Variants in FRAS1 observed in about 807,000 individuals in gnomAD.
The protein encoded by FRAS1 is extracellular matrix organizing protein FRAS1.
FRAS1 carries 290 observed loss-of-function variants against 435.2 expected under a neutral mutation model. That is an observed-to-expected ratio of 0.67 (90% CI 0.61 to 0.73). The LOEUF is 0.73. Among genes scored for constraint, FRAS1 ranks in the 30% least tolerant of loss-of-function variants. The pLI is 0.00. For synonymous variants in FRAS1, 1,800 were observed against 1,851.0 expected (o/e 0.97, Z 0.71); for missense variants, 4,860 against 5,001.5 (o/e 0.97, Z 0.85).
intron 2 of FRAS1, among the ~76,000 whole-genome samples, chr4:78,093,828 A>G (rs1041086940): frequency 1.4e-4 from 21 of 152,220 alleles, no homozygotes; most frequent in African/African-American, 4.1e-4. Flanking sequence ...TTCTGTTTGC[A>G]AAGCATATAT....
intron 20 of FRAS1, among the ~76,000 whole-genome samples, chr4:78,342,416 G>A (rs1048596901): frequency 6.6e-6 from 1 of 152,196 alleles, no homozygotes; most frequent in African/African-American, 2.4e-5. Flanking sequence ...TATAAAGTAT[G>A]TGAGATTTAG....
intron 20 of FRAS1, among the ~76,000 whole-genome samples, chr4:78,340,580 A>G (rs1039670649): frequency 6.6e-6 from 1 of 152,224 alleles, no homozygotes; most frequent in Admixed American, 6.5e-5. Flanking sequence ...CAAATCAAAT[A>G]TGGAGCTTGC....
At chr4:78,123,114 T>C (rs780932629) in intron 2 of FRAS1, among the ~76,000 whole-genome samples, 4 of 152,210 alleles carry the variant, frequency 2.6e-5, no homozygotes, top group Non-Finnish European at 5.9e-5. Flanking sequence ...TCCTAGGTCT[T>C]ACGTTTAAGT....
intron 47 of FRAS1, among the ~76,000 whole-genome samples, chr4:78,461,388 A>G (rs924155178): frequency 2.6e-5 from 4 of 152,314 alleles, no homozygotes; most frequent in South Asian, 2.1e-4. Context: ...TCGGGTTTCA[A>G]TTTCATCACT....
At chr4:78,062,285 T>C (rs1203992385) in intron 1 of FRAS1, among the ~76,000 whole-genome samples, 1 of 152,228 alleles carries the variant, frequency 6.6e-6, no homozygotes, top group East Asian at 1.9e-4. Flanking sequence ...AACTACTCTA[T>C]TAATTGATCT....
intron 18 of FRAS1, among the ~76,000 whole-genome samples, chr4:78,332,427 G>A (rs1408390411): frequency 6.6e-6 from 1 of 152,182 alleles, no homozygotes; most frequent in Non-Finnish European, 1.5e-5. Flanking sequence ...ATGAAAGCTA[G>A]CAGAGATGTT....
intron 56 of FRAS1, among the ~76,000 whole-genome samples, chr4:78,480,303 TGCTAA>T (rs1719972848): frequency 6.6e-6 from 1 of 152,166 alleles, no homozygotes; most frequent in African/African-American, 2.4e-5. Flanking sequence ...GAGGTCCTTA[TGCTAA>T]GTGAAATAAG....
intron 2 of FRAS1, among the ~76,000 whole-genome samples, chr4:78,224,204 G>T (rs944655220): frequency 2.0e-5 from 3 of 152,180 alleles, no homozygotes; most frequent in Non-Finnish European, 4.4e-5. Context: ...CTCAAAACTG[G>T]TGAAAGCTGT....
chr4:78,436,071 C>T (rs1287823783), intron 38 of FRAS1, among the ~76,000 whole-genome samples: 1 of 151,970 alleles, frequency 6.6e-6, no homozygotes, highest in Non-Finnish European at 1.5e-5. Context: ...CAAAACACAC[C>T]ACAAAGCAGC....
intron 54 of FRAS1, among the ~76,000 whole-genome samples, chr4:78,476,325 T>C (rs1222381795): frequency 1.3e-5 from 2 of 152,070 alleles, no homozygotes; most frequent in African/African-American, 4.8e-5. Context: ...ATACCAGTGG[T>C]AATTAAAGGT....
intron 64 of FRAS1, among the ~76,000 whole-genome samples, chr4:78,512,490 A>C (rs953754816): frequency 2.0e-5 from 3 of 147,614 alleles, no homozygotes; most frequent in Non-Finnish European, 4.5e-5. Flanking sequence ...TTCAGTAAAC[A>C]CGCTCAAAGT....
chr4:78,318,664 C>T (rs1729372667), intron 17 of FRAS1, 146 bp from the exon 18 acceptor site: 2 of 739,926 alleles, frequency 2.7e-6, no homozygotes, highest in African/African-American at 1.8e-5. Flanking sequence ...ATTATTATCA[C>T]TCTGTGCTTT....
At chr4:78,500,011 A>C in intron 61 of FRAS1, 90 bp downstream of exon 61, 1 of 1,103,178 alleles carries the variant, frequency 9.1e-7, no homozygotes. Flanking sequence ...AGATAAATGA[A>C]AAAGGAAAAC....
At chr4:78,304,501 CT>C (rs1445962228) in intron 14 of FRAS1, among the ~76,000 whole-genome samples, 1 of 152,108 alleles carries the variant, frequency 6.6e-6, no homozygotes, top group African/African-American at 2.4e-5. Context: ...GTTCTGGACT[CT>C]TTTTGTTTGG....
At chr4:78,397,263 GT>G (rs1732708408) in intron 29 of FRAS1, among the ~76,000 whole-genome samples, 2 of 152,320 alleles carry the variant, frequency 1.3e-5, no homozygotes, top group South Asian at 4.1e-4. Context: ...GTATGTGCCT[GT>G]TTCACTCCTC....
At chr4:78,390,572 G>A (rs1324283164) in intron 29 of FRAS1, among the ~76,000 whole-genome samples, 1 of 152,090 alleles carries the variant, frequency 6.6e-6, no homozygotes, top group African/African-American at 2.4e-5. Context: ...CAGTAATTTA[G>A]TCATTTTCTC....
rs192060300 is a variant in FRAS1, at chr4:78,092,529, C to T, written c.108+26513C>T. 2.4e-4 allele frequency among the ~76,000 whole-genome samples: 36 copies of T among 152,290 alleles called. No homozygotes were observed. The East Asian group carries it at 6.0e-3, about 25-fold the overall frequency. Reference sequence around the variant, plus strand: ...CATGAGACCCAGTCACTATCACAGACGCGAACAGCATGGGAAAGACCCACC... The same window carrying T: ...CATGAGACCCAGTCACTATCACAGATGCGAACAGCATGGGAAAGACCCACC... On this transcript the variant is annotated intron_variant, in intron 2 of 73. Coordinates refer to ENST00000512123, the MANE Select transcript of FRAS1 (RefSeq NM_025074.7).
chr4:78,416,316 G>C (rs74824598), intron 32 of FRAS1, among the ~76,000 whole-genome samples: 1,690 of 152,160 alleles, frequency 0.011, 21 homozygotes, highest in African/African-American at 0.038. Context: ...AGGGAGAAAG[G>C]GGGAGTTGTT....
intron 40 of FRAS1, 127 bp from the exon 41 acceptor site, chr4:78,441,035 G>C: frequency 1.2e-6 from 1 of 800,576 alleles, no homozygotes; most frequent in Non-Finnish European, 2.0e-6. Flanking sequence ...TCTGTAGATG[G>C]TCTGCCTCCT....
Sources: allele counts gnomAD v4.1 joint callset (sites outside exome capture counted in the v4.1 genomes callset), GRCh38; gene constraint gnomAD v4.1.1; transcripts MANE v1.5; gene names NCBI Gene and HGNC (gene_info 2026-07-23, HGNC 2026-07-21).